Variants in ZNF765 observed in about 807,000 individuals in gnomAD.
ZNF765 encodes zinc finger protein 765.
ZNF765 carries 37 observed loss-of-function variants against 44.7 expected under a neutral mutation model. The observed-to-expected ratio is 0.83, with a 90% CI of 0.64 to 1.09. The LOEUF is 1.09. Ranked by LOEUF, ZNF765 falls within the 50% of genes least tolerant of loss-of-function variation. The pLI, the probability that ZNF765 is intolerant of heterozygous loss-of-function variation, is 0.00. For synonymous variants in ZNF765, 201 were observed against 213.7 expected, an observed-to-expected ratio of 0.94 and a Z score of 0.52; for missense variants, 594 against 626.1, an observed-to-expected ratio of 0.95 and a Z score of 0.55.
rs1408826280 is a variant in ZNF765, at chr19:53,408,203, A to G, written c.648A>G (p.Gln216=). The change falls in exon 4 of 4, where the codon CAA becomes CAG. Residue 216 remains glutamine (Q), a synonymous_variant. Transcript: ENST00000396408. The part of the protein sequence containing the change: ...QEVHMREKSF[Q]CNDSGKAYNC... ...TACATATGAGGGAAAAATCTTTCCA[A>G]TGCAATGACAGTGGCAAAGCCTATA... The G allele has an allele frequency of 1.2e-5, 19 of 1,614,116 alleles. No individual in the cohort carries two copies. Among genetic ancestry groups the G allele is most frequent in the Non-Finnish European group, 1.5e-5 (18 of 1,180,044 alleles).
In ZNF765 at chr19:53,402,168, A is replaced by G. The variant is rs756222461; in HGVS notation, c.119A>G (p.Asn40Ser). 6.2e-7 allele frequency: 1 copy of G among 1,613,510 alleles called. No homozygotes were observed. The highest frequency in any genetic ancestry group is 2.2e-5 in the East Asian group (1 of 44,856). The change falls in exon 3 of 4, where the codon AAT (asparagine) becomes AGT (serine). Residue 40 changes from asparagine (N) to serine (S), a missense_variant. Asn to Ser is a conservative substitution (Grantham distance 46, BLOSUM62 1). Transcript: ENST00000396408. ...RTLYRDVMLENYRNLVSLDIS... is the reference protein window; with the variant it reads ...RTLYRDVMLESYRNLVSLDIS... ...CTATACAGGGACGTGATGCTGGAGA[A>G]TTATAGGAACCTGGTCTCCCTGGGT...
chr19:53,409,873 T>A lies in ZNF765; in HGVS notation c.*746T>A. On this transcript the variant is annotated 3_prime_UTR_variant, in exon 4 of 4. Coordinates refer to ENST00000396408, the MANE Select transcript of ZNF765 (RefSeq NM_001040185.3). ...ATACTGGAGAGGTACCTTACAAGGA[T>A]AATGAGTGTAGAAAAACCTTTCATG... 1 of 655,992 alleles carries A rather than the reference T, an allele frequency of 1.5e-6. No homozygotes were observed. Among genetic ancestry groups the A allele is most frequent in the South Asian group, 1.4e-5 (1 of 72,092 alleles). 40.6% of individuals were successfully genotyped at this position (655,992 alleles called of 1,614,324 possible). A position where few individuals can be genotyped will look rare whatever the true frequency, so the allele number is the denominator to read the frequency against.
intron 3 of ZNF765, among the ~76,000 whole-genome samples, chr19:53,403,652 T>G (rs2085749016): frequency 6.6e-6 from 1 of 152,190 alleles, no homozygotes; most frequent in African/African-American, 2.4e-5. Context: ...AAAACCAGCC[T>G]GCCTAACATG....
intron 3 of ZNF765, among the ~76,000 whole-genome samples, chr19:53,417,217 C>G (rs1245875338): frequency 6.6e-6 from 1 of 152,162 alleles, no homozygotes; most frequent in Non-Finnish European, 1.5e-5. Context: ...GTACAGATCA[C>G]TTCATCACCA....
chr19:53,408,757 A>G lies in ZNF765; in HGVS notation c.1202A>G (p.His401Arg), dbSNP rs373555299. The G allele has an allele frequency of 3.2e-6, 5 of 1,575,500 alleles. No homozygotes were observed. The highest frequency in any genetic ancestry group is 1.4e-5 in the African/African-American group (1 of 73,612). The change falls in exon 4 of 4, where the codon CAT becomes CGT. Residue 401 changes from histidine to arginine, a missense_variant. This residue lies in a region of ZNF765 where 567 missense variants were observed against 572.6 expected (regional missense o/e 0.99). Transcript: ENST00000396408. ...TFSHKSSLTY[H>R]RRLHTEEKPY... Reference sequence around the variant, plus strand: ...AGTCACAAGTCATCTCTTACATACCATCGTAGACTTCATACTGAAGAGAAA... The same window carrying G: ...AGTCACAAGTCATCTCTTACATACCGTCGTAGACTTCATACTGAAGAGAAA...
At position 53,418,668 on chromosome 19, in the gene ZNF765, T is replaced by TG. The variant is rs963989946; in HGVS notation, c.143-4386dup. ...TCCTAACACTTTGGGAGGCCAATGG[T>TG]GGGGGGGGCGGTGGATCACCTGAGG... On this transcript the variant is annotated intron_variant, in intron 3 of 3. Transcript: ENST00000594030. Among the ~76,000 whole-genome samples the TG allele has an allele frequency of 4.1e-4, 62 of 150,252 alleles. No homozygotes were observed. The East Asian group carries it at 4.9e-3, about 12-fold the overall frequency.
chr19:53,421,417 A>C (rs1404058136), intron 3 of ZNF765, among the ~76,000 whole-genome samples: 1 of 152,116 alleles, frequency 6.6e-6, no homozygotes, highest in East Asian at 1.9e-4. Context: ...TCTGTCTCTT[A>C]TTTCTTTTCT....
At chr19:53,402,248 C>CTTTTTTTT in intron 3 of ZNF765, 57 bp downstream of exon 3, 1 of 1,257,914 alleles carries the variant, frequency 7.9e-7, no homozygotes, top group South Asian at 1.5e-5. Context: ...ATTTTCTCTC[C>CTTTTTTTT]TTTTTTTTTT....
At chr19:53,427,057 C>T (rs1213755490) in exon 4 of ZNF765, 5 of 134,508 alleles carry the variant, frequency 3.7e-5, no homozygotes, top group South Asian at 4.8e-4. Flanking sequence ...CCCTCTCAGC[C>T]GCTGAGAAGT....
At chr19:53,401,518 G>T (rs1437674095) in intron 2 of ZNF765, among the ~76,000 whole-genome samples, 1 of 151,068 alleles carries the variant, frequency 6.6e-6, no homozygotes, top group Non-Finnish European at 1.5e-5. Context: ...AGCCGAGATC[G>T]CGCCACTGTA....
chr19:53,402,899 G>A (rs555996199), intron 3 of ZNF765, among the ~76,000 whole-genome samples: 2 of 152,216 alleles, frequency 1.3e-5, no homozygotes, highest in African/African-American at 4.8e-5. Context: ...ATGTGCAGCT[G>A]GGCATGGTGG....
downstream of ZNF765, among the ~76,000 whole-genome samples, chr19:53,414,478 CACACACA>C (rs2085860598): frequency 4.6e-5 from 1 of 21,638 alleles, no homozygotes; most frequent in Non-Finnish European, 1.0e-4. Flanking sequence ...CACACACACA[CACACACA>C]CACACCCCCC....
chr19:53,407,502 T>G (rs1372317273), intron 3 of ZNF765, among the ~76,000 whole-genome samples, 196 bp from the exon 4 acceptor site: 8 of 152,188 alleles, frequency 5.3e-5, no homozygotes, highest in Non-Finnish European at 1.2e-4. Flanking sequence ...GGAAATAGAC[T>G]TCCGTAAAAA....
At position 53,407,831 on chromosome 19, in the gene ZNF765, AGATATTCAT is replaced by A; in HGVS notation, c.279_287del (p.His95_Ile97del). 1 of 1,613,542 alleles carries A rather than the reference AGATATTCAT, an allele frequency of 6.2e-7. No homozygotes were observed. Among genetic ancestry groups the A allele is most frequent in the Non-Finnish European group, 8.5e-7 (1 of 1,179,846 alleles). On this transcript the variant is annotated inframe_deletion, in exon 4 of 4. Coordinates refer to ENST00000396408, the MANE Select transcript of ZNF765 (RefSeq NM_001040185.3). ...ATTTTTGTTTCCAGGATATTGATAA[AGATATTCAT>A]GACATTGAGTTTCAGTGGCAAGAAG...
At chr19:53,404,675 T>C (rs901342504) in intron 3 of ZNF765, among the ~76,000 whole-genome samples, 2 of 152,020 alleles carry the variant, frequency 1.3e-5, no homozygotes, top group African/African-American at 4.8e-5. Context: ...TTAGCCAGTA[T>C]GTTCTTCATC....
intron 3 of ZNF765, among the ~76,000 whole-genome samples, chr19:53,421,600 T>C (rs548389155): frequency 6.6e-6 from 1 of 152,298 alleles, no homozygotes; most frequent in East Asian, 1.9e-4. Context: ...CTGCTACCTC[T>C]GCCTTCTGGT....
chr19:53,406,593 A>G (rs991702096), intron 3 of ZNF765, among the ~76,000 whole-genome samples: 6 of 152,184 alleles, frequency 3.9e-5, no homozygotes, highest in Non-Finnish European at 8.8e-5. Context: ...GTGGTATGCA[A>G]TATAACTGAC....
intron 3 of ZNF765, among the ~76,000 whole-genome samples, chr19:53,422,284 C>A (rs1474209990): frequency 6.6e-6 from 1 of 152,168 alleles, no homozygotes; most frequent in Non-Finnish European, 1.5e-5. Context: ...CTGAAATCAG[C>A]CCAGACAAGA....
Position 53,409,107 on chromosome 19 carries a change from G to A in ZNF765, c.1552G>A (p.Gly518Arg), listed in dbSNP as rs2085809239. The change falls in exon 4 of 4, where the codon GGA becomes AGA. Residue 518 changes from glycine to arginine, a missense_variant. Physicochemically the swap from Gly to Arg is moderately radical, Grantham distance 125. Coordinates refer to ENST00000396408, the MANE Select transcript of ZNF765 (RefSeq NM_001040185.3). ...NLERHRRIYT[G>R]EKLHV ...TGAAAGACATAGGAGAATTTATACT[G>A]GAGAGAAACTACACGTGTAATGAGT... 6.2e-7 allele frequency: 1 copy of A among 1,612,526 alleles called. No individual in the cohort carries two copies.
Sources: gnomAD v4.1 joint callset for allele counts (sites outside exome capture counted in the v4.1 genomes callset) on GRCh38, gnomAD v4.1.1 for gene constraint, gnomAD v4.1.1 regional missense constraint, MANE v1.5 for transcripts, NCBI Gene and HGNC (gene_info 2026-07-23, HGNC 2026-07-21) for gene names.